The following CNDP1 variants were observed in gnomAD, a reference collection of about 807,000 sequenced individuals.
CNDP1 encodes the protein beta-Ala-His dipeptidase.
In CNDP1, 44 loss-of-function variants were observed where a neutral mutation model predicts 58.1. That is an observed-to-expected ratio of 0.76 (90% CI 0.60 to 0.97). CNDP1 has a LOEUF of 0.97. Ranked by LOEUF, CNDP1 falls within the 50% of genes least tolerant of loss-of-function variation. The probability of loss-of-function intolerance (pLI) is 0.00; values close to 1 mark genes in which losing one functional copy is unlikely to be tolerated. For synonymous variants in CNDP1, 254 were observed against 252.6 expected, an observed-to-expected ratio of 1.01 and a Z score of -0.05; for missense variants, 616 against 655.1, an observed-to-expected ratio of 0.94 and a Z score of 0.65.
At chr18:74,551,531 T>C (rs1357738637) in intron 1 of CNDP1, among the ~76,000 whole-genome samples, 2 of 152,082 alleles carry the variant, frequency 1.3e-5, no homozygotes, top group African/African-American at 4.8e-5. Flanking sequence ...CAGGCTGCCC[T>C]GCTCTGTGGG....
chr18:74,578,695 T>A (rs1981698390), intron 9 of CNDP1, among the ~76,000 whole-genome samples: 1 of 152,116 alleles, frequency 6.6e-6, no homozygotes, highest in Non-Finnish European at 1.5e-5. Context: ...GTCAGATAAA[T>A]AACCATTTGA....
In CNDP1 at chr18:74,580,277, A is replaced by G; in HGVS notation, c.1309+6A>G. On this transcript the variant is annotated splice_donor_region_variant and intron_variant, in intron 10 of 11. Transcript: ENST00000358821. ...AAAAAGAGCGATCAGAACAGGTGGGACCTTAAGATCTTCTGACTGGCCAAT... is the reference window on the plus strand; with the variant it reads ...AAAAAGAGCGATCAGAACAGGTGGGGCCTTAAGATCTTCTGACTGGCCAAT... 6.2e-7 allele frequency: 1 copy of G among 1,613,818 alleles called. No individual in the cohort carries two copies. Among genetic ancestry groups the G allele is most frequent in the Non-Finnish European group, 8.5e-7 (1 of 1,179,762 alleles).
At chr18:74,540,483 C>G (rs1171536670) in intron 1 of CNDP1, among the ~76,000 whole-genome samples, 1 of 152,136 alleles carries the variant, frequency 6.6e-6, no homozygotes, top group Admixed American at 6.5e-5. Flanking sequence ...TCTGATCTGA[C>G]CTTGAGTGCC....
chr18:74,534,547 C>T lies in CNDP1; in HGVS notation c.-121C>T. The stretch of plus-strand genomic sequence containing the variant: ...CCAGCCTCGTCTTCCTTCCGGGGGA[C>T]AACGTGGGTCAGGGCACAGAGAGAT... On this transcript the variant is annotated 5_prime_UTR_variant, in exon 1 of 12. Coordinates refer to ENST00000358821, the MANE Select transcript of CNDP1 (RefSeq NM_032649.6). 1 of 1,011,376 alleles carries T rather than the reference C, an allele frequency of 9.9e-7. No individual in the cohort carries two copies. Among genetic ancestry groups the T allele is most frequent in the Non-Finnish European group, 1.5e-6 (1 of 650,574 alleles). The allele number at this position is 1,011,376 out of a possible 1,614,324, so 62.7% of individuals were successfully genotyped here. A position where few individuals can be genotyped will look rare whatever the true frequency, so the allele number is the denominator to read the frequency against.
intron 10 of CNDP1, among the ~76,000 whole-genome samples, chr18:74,582,923 G>A (rs1981823016): frequency 6.6e-6 from 1 of 152,086 alleles, no homozygotes; most frequent in Admixed American, 6.5e-5. Flanking sequence ...ATAGATGGGA[G>A]CTCTCTCTCT....
At chr18:74,559,296 T>G in intron 2 of CNDP1, 27 bp from the exon 3 acceptor site, 1 of 1,613,708 alleles carries the variant, frequency 6.2e-7, no homozygotes, top group Non-Finnish European at 8.5e-7. Flanking sequence ...ACCCCAATGC[T>G]AATGGCCTGC....
rs547674524 is a variant in CNDP1, at chr18:74,569,579, C to T, written c.757-1607C>T. On this transcript the variant is annotated intron_variant, in intron 6 of 11. Coordinates refer to ENST00000358821, the MANE Select transcript of CNDP1 (RefSeq NM_032649.6). ...TTGAAGGGCATGGTTGTATTAATAG[C>T]ATCTCTGCCCTTAAATTAGCGTGAG... 2.4e-4 allele frequency among the ~76,000 whole-genome samples: 36 copies of T among 152,280 alleles called. No individual in the cohort carries two copies. In the South Asian group the frequency reaches 7.1e-3, roughly 30 times the overall value.
At position 74,557,134 on chromosome 18, in the gene CNDP1, T is replaced by C. The variant is rs146954472; in HGVS notation, c.153+668T>C. 8.1e-3 allele frequency among the ~76,000 whole-genome samples: 1,233 copies of C among 152,210 alleles called. 16 individuals are homozygous for C. The highest frequency in any genetic ancestry group is 0.028 in the African/African-American group (1,178 of 41,518). ...GATTTCCCCATGATGGGCAGGCTGA[T>C]TTTGAACTCCTGACCTCAAGTGATC... On this transcript the variant is annotated intron_variant, in intron 2 of 11. Coordinates refer to ENST00000358821, the MANE Select transcript of CNDP1 (RefSeq NM_032649.6).
chr18:74,584,624 A>G lies in CNDP1; in HGVS notation c.*62A>G. On this transcript the variant is annotated 3_prime_UTR_variant, in exon 12 of 12. Coordinates refer to ENST00000358821, the MANE Select transcript of CNDP1 (RefSeq NM_032649.6). Reference sequence around the variant, plus strand: ...AGATTCACCTCCCCCACATCCCTAGACAGGGATGGAATGTAAATATCCAGA... The same window carrying G: ...AGATTCACCTCCCCCACATCCCTAGGCAGGGATGGAATGTAAATATCCAGA... The G allele has an allele frequency of 1.6e-6, 2 of 1,235,080 alleles. No individual in the cohort carries two copies. Among genetic ancestry groups the G allele is most frequent in the Non-Finnish European group, 2.4e-6 (2 of 834,660 alleles). 76.5% of individuals were successfully genotyped at this position (1,235,080 alleles called of 1,614,324 possible).
chr18:74,560,382 A>C (rs1382552240), intron 3 of CNDP1, among the ~76,000 whole-genome samples: 1 of 151,912 alleles, frequency 6.6e-6, no homozygotes, highest in Non-Finnish European at 1.5e-5. Flanking sequence ...CTAAAGAAGC[A>C]CTTTACTTTT....
chr18:74,556,327 A>C lies in CNDP1; in HGVS notation c.25-11A>C, dbSNP rs541577205. 2.4e-5 allele frequency: 38 copies of C among 1,611,308 alleles called. No homozygotes were observed. Among genetic ancestry groups the C allele is most frequent in the Non-Finnish European group, 3.1e-5 (37 of 1,179,378 alleles). ...ATTTTCATTCGTTCCTCCCATGTCA[A>C]ACCCTTCCAGGCTGCGTCCCTGCTG... On this transcript the variant is annotated splice_polypyrimidine_tract_variant and intron_variant, in intron 1 of 11. Coordinates refer to ENST00000358821, the MANE Select transcript of CNDP1 (RefSeq NM_032649.6).
chr18:74,540,391 C>T (rs1268949490), intron 1 of CNDP1, among the ~76,000 whole-genome samples: 1 of 152,122 alleles, frequency 6.6e-6, no homozygotes, highest in Non-Finnish European at 1.5e-5. Flanking sequence ...AACTCCTGAC[C>T]TCAGGTGATC....
At chr18:74,558,485 C>T (rs1195728104) in intron 2 of CNDP1, among the ~76,000 whole-genome samples, 1 of 145,924 alleles carries the variant, frequency 6.9e-6, no homozygotes, top group Non-Finnish European at 1.5e-5. Context: ...AGCTCCGCCT[C>T]CCAGGTTCAC....
At chr18:74,583,776 G>A (rs1429484725) in intron 11 of CNDP1, 68 bp downstream of exon 11, 18 of 1,483,760 alleles carry the variant, frequency 1.2e-5, no homozygotes, top group Non-Finnish European at 1.5e-5. Flanking sequence ...GTCTACACGT[G>A]GGTGAGCTCC....
At chr18:74,566,326 C>T (rs1170701121) in intron 5 of CNDP1, among the ~76,000 whole-genome samples, 1 of 152,360 alleles carries the variant, frequency 6.6e-6, no homozygotes, top group South Asian at 2.1e-4. Flanking sequence ...CAAATTTCTG[C>T]AGCTGGCTTG....
Position 74,578,251 on chromosome 18 carries a change from T to C in CNDP1, c.1091T>C (p.Val364Ala). Reference sequence around the variant, plus strand: ...TTTGATGAGCCTGGAACTAAAACAGTCATACCTGGCCGAGTTATAGGAAAA... The same window carrying C: ...TTTGATGAGCCTGGAACTAAAACAGCCATACCTGGCCGAGTTATAGGAAAA... ...GAFDEPGTKT[V>A]IPGRVIGKFS... Residue 364 changes from valine (V) to alanine (A), a missense_variant, in exon 9 of 12, where the codon GTC becomes GCC. Val to Ala is a moderately conservative substitution (Grantham distance 64). Transcript: ENST00000358821. 1 of 1,614,086 alleles carries C rather than the reference T, an allele frequency of 6.2e-7. No individual in the cohort carries two copies.
At position 74,549,791 on chromosome 18, in the gene CNDP1, T is replaced by C. The variant is rs151209785; in HGVS notation, c.25-6547T>C. 8.6e-3 allele frequency among the ~76,000 whole-genome samples: 1,304 copies of C among 152,328 alleles called. 18 individuals are homozygous for C. Among genetic ancestry groups the C allele is most frequent in the South Asian group, 0.045 (218 of 4,832 alleles). ...GGCCTAGGAGGACTAAATGGTTCCA[T>C]GGGCCAGACCTGGGACAGCACTGCT... On this transcript the variant is annotated intron_variant, in intron 1 of 11. Transcript: ENST00000358821.
chr18:74,581,262 G>T (rs909781849), intron 10 of CNDP1, among the ~76,000 whole-genome samples: 30 of 143,366 alleles, frequency 2.1e-4, no homozygotes, highest in African/African-American at 7.1e-4. Flanking sequence ...GTGTGTGTGT[G>T]TAAGCTTGAC....
intron 7 of CNDP1, among the ~76,000 whole-genome samples, chr18:74,575,309 T>C (rs1373469976): frequency 6.6e-6 from 1 of 152,172 alleles, no homozygotes; most frequent in Non-Finnish European, 1.5e-5. Context: ...ACTAGTGAGG[T>C]ACAGTGCGTG....
Sources: gnomAD v4.1 joint callset for allele counts (sites outside exome capture counted in the v4.1 genomes callset) on GRCh38, gnomAD v4.1.1 for gene constraint, MANE v1.5 for transcripts, NCBI Gene and HGNC (gene_info 2026-07-23, HGNC 2026-07-21) for gene names.